Variants in PRR16 observed in about 807,000 individuals in gnomAD.
PRR16 encodes the protein proline rich 16.
A neutral mutation model predicts 18.2 loss-of-function variants in PRR16; 6 were observed. That is an observed-to-expected ratio of 0.33 (90% CI 0.18 to 0.65). The LOEUF is 0.65. Among genes scored for constraint, PRR16 ranks in the 30% least tolerant of loss-of-function variants. PRR16 has a pLI of 0.74. For synonymous variants in PRR16, 151 were observed against 147.8 expected, an observed-to-expected ratio of 1.02 and a Z score of -0.16; for missense variants, 412 against 376.6, an observed-to-expected ratio of 1.09 and a Z score of -0.78.
the PRR16 span, among the ~76,000 whole-genome samples, chr5:120,701,774 A>C: frequency 6.6e-6 from 1 of 152,164 alleles, no homozygotes; most frequent in African/African-American, 2.4e-5. Context: ...GACGAGTTGC[A>C]CTGGGCACAG....
intron 1 of PRR16, among the ~76,000 whole-genome samples, chr5:120,656,467 CAAAAAAAAAAAA>C (rs34228222): frequency 6.4e-5 from 6 of 93,504 alleles, no homozygotes; most frequent in African/African-American, 2.4e-4. Flanking sequence ...TAATCACTCT[CAAAAAAAAAAAA>C]AAAAAAAAAT....
At chr5:120,611,016 T>G (rs988892328) in intron 1 of PRR16, among the ~76,000 whole-genome samples, 2 of 152,116 alleles carry the variant, frequency 1.3e-5, no homozygotes, top group Non-Finnish European at 2.9e-5. Flanking sequence ...TGGTCTCAGA[T>G]GGAGATGAGA....
the PRR16 span, among the ~76,000 whole-genome samples, chr5:120,748,947 A>C: frequency 6.6e-6 from 1 of 152,098 alleles, no homozygotes; most frequent in African/African-American, 2.4e-5. Flanking sequence ...CTTACATTTG[A>C]TTTTATAATT....
At chr5:120,738,693 T>C in the PRR16 span, among the ~76,000 whole-genome samples, 1 of 152,182 alleles carries the variant, frequency 6.6e-6, no homozygotes, top group Non-Finnish European at 1.5e-5. Context: ...AAATTTGGCC[T>C]ATTATCTTGG....
chr5:120,610,500 G>A (rs950684444), intron 1 of PRR16, among the ~76,000 whole-genome samples: 5 of 151,890 alleles, frequency 3.3e-5, no homozygotes, highest in South Asian at 4.2e-4. Context: ...GGATTTTCCC[G>A]TGTTGTGGGA....
At chr5:120,579,829 G>T (rs761217905) in intron 1 of PRR16, among the ~76,000 whole-genome samples, 10 of 152,158 alleles carry the variant, frequency 6.6e-5, no homozygotes, top group Non-Finnish European at 1.3e-4. Flanking sequence ...GGGCAGTATG[G>T]CCATTTTCAC....
At chr5:120,486,728 C>A (rs78892297) in intron 1 of PRR16, among the ~76,000 whole-genome samples, 108,896 of 151,910 alleles carry the variant, frequency 0.72, 40,157 homozygotes, top group East Asian at 0.96. Context: ...GCCCATGTCT[C>A]TGTCCTGAAT....
chr5:120,761,860 A>G, the PRR16 span, among the ~76,000 whole-genome samples: 2 of 151,930 alleles, frequency 1.3e-5, no homozygotes, highest in Non-Finnish European at 2.9e-5. Flanking sequence ...ACCTCTCTTC[A>G]TTTACCTCCC....
chr5:120,697,850 AAAACTTAAGAC>A, the PRR16 span, among the ~76,000 whole-genome samples: 4,359 of 152,182 alleles, frequency 0.029, 145 homozygotes, highest in African/African-American at 0.072. Flanking sequence ...TAAGTTAGTC[AAAACTTAAGAC>A]AAACTTAAGA....
At chr5:120,554,717 C>G (rs192920422) in intron 1 of PRR16, among the ~76,000 whole-genome samples, 5 of 152,036 alleles carry the variant, frequency 3.3e-5, no homozygotes, top group African/African-American at 1.2e-4. Flanking sequence ...GCCTTCCCAG[C>G]TTACATTAGC....
intron 1 of PRR16, among the ~76,000 whole-genome samples, chr5:120,537,926 G>A (rs34632875): frequency 0.06 from 9,094 of 151,102 alleles, 395 homozygotes; most frequent in Non-Finnish European, 0.093. Context: ...ACAGGCGCCC[G>A]CCACTACGCC....
At chr5:120,532,720 C>T (rs1298188312) in intron 1 of PRR16, among the ~76,000 whole-genome samples, 1 of 151,620 alleles carries the variant, frequency 6.6e-6, no homozygotes, top group Non-Finnish European at 1.5e-5. Context: ...AGGAAACATA[C>T]AGGATTTTAT....
chr5:120,751,286 C>T, the PRR16 span, among the ~76,000 whole-genome samples: 2 of 152,098 alleles, frequency 1.3e-5, no homozygotes, highest in African/African-American at 4.8e-5. Context: ...TGGAGATACA[C>T]CTAGCAAAAG....
the PRR16 span, among the ~76,000 whole-genome samples, chr5:120,710,202 G>C: frequency 1.3e-5 from 2 of 152,090 alleles, no homozygotes. Context: ...TTTATCATGT[G>C]AATTTCCCTG....
chr5:120,710,446 G>A, the PRR16 span, among the ~76,000 whole-genome samples: 3 of 152,076 alleles, frequency 2.0e-5, no homozygotes, highest in Non-Finnish European at 4.4e-5. Flanking sequence ...TGACAAGCAG[G>A]AAAGTTTATA....
intron 1 of PRR16, among the ~76,000 whole-genome samples, chr5:120,556,397 T>C (rs758580946): frequency 2.0e-5 from 3 of 151,796 alleles, no homozygotes; most frequent in African/African-American, 7.3e-5. Context: ...ATGTCGACTT[T>C]TACGTTGATA....
intron 1 of PRR16, among the ~76,000 whole-genome samples, chr5:120,485,400 A>G (rs751636657): frequency 1.2e-4 from 18 of 152,220 alleles, no homozygotes; most frequent in Admixed American, 2.0e-4. Context: ...GTAATTAGGT[A>G]TACTTTTCCG....
At chr5:120,665,502 T>C (rs1043291087) in intron 1 of PRR16, among the ~76,000 whole-genome samples, 4 of 152,204 alleles carry the variant, frequency 2.6e-5, no homozygotes, top group African/African-American at 7.2e-5. Context: ...TTGCTGTTGC[T>C]TTTAGTGTTT....
At chr5:120,548,750 G>A (rs568074553) in intron 1 of PRR16, among the ~76,000 whole-genome samples, 16 of 107,576 alleles carry the variant, frequency 1.5e-4, no homozygotes, top group African/African-American at 3.5e-4. Flanking sequence ...TTGTGAAGGC[G>A]TCTGACTTGC....
Sources: allele counts gnomAD v4.1 joint callset (sites outside exome capture counted in the v4.1 genomes callset), GRCh38; gene constraint gnomAD v4.1.1; transcripts MANE v1.5; gene names NCBI Gene and HGNC (gene_info 2026-07-23, HGNC 2026-07-21).